MAG: variants seen among roughly 807,000 people sequenced by gnomAD.
MAG encodes myelin-associated glycoprotein.
In MAG, 30 loss-of-function variants were observed where a neutral mutation model predicts 60.7. The observed-to-expected ratio is 0.49, with a 90% CI of 0.37 to 0.67. The LOEUF (loss-of-function observed/expected upper bound fraction) is 0.67. Among genes scored for constraint, MAG ranks in the 30% least tolerant of loss-of-function variants. MAG has a pLI of 0.00. For synonymous variants in MAG, 384 were observed against 376.8 expected, an observed-to-expected ratio of 1.02 and a Z score of -0.22; for missense variants, 795 against 851.7, an observed-to-expected ratio of 0.93 and a Z score of 0.83.
chr19:35,297,137 A>G (rs1362256958), intron 4 of MAG, among the ~76,000 whole-genome samples: 2 of 149,468 alleles, frequency 1.3e-5, no homozygotes, highest in Non-Finnish European at 3.0e-5. Context: ...CACCACACAC[A>G]CACCACACCA....
At chr19:35,303,365 C>T (rs924528756) in intron 7 of MAG, among the ~76,000 whole-genome samples, 3 of 152,158 alleles carry the variant, frequency 2.0e-5, no homozygotes, top group African/African-American at 7.2e-5. Flanking sequence ...TACAGCAACC[C>T]ACTCATTTAA....
In MAG at chr19:35,309,907, C is replaced by T. The variant is rs1456256662; in HGVS notation, c.1265C>T (p.Ala422Val). 3.7e-6 allele frequency: 6 copies of T among 1,613,052 alleles called. No homozygotes were observed. Among genetic ancestry groups the T allele is most frequent in the Admixed American group, 3.3e-5 (2 of 60,008 alleles). Residue 422 changes from alanine to valine, a missense_variant, in exon 8 of 11, where the codon GCG becomes GTG. Coordinates refer to ENST00000392213, the MANE Select transcript of MAG (RefSeq NM_002361.4). ...GTGCTCCTCCTGGAGTCCCACTGCG[C>T]GGCAGCCCGAGACACGGTGCAGTGC... ...APVLLLESHC[A>V]AARDTVQCLC...
Position 35,313,644 on chromosome 19 carries a change from G to C in MAG, c.*190G>C, listed in dbSNP as rs200787485. 42 of 581,846 alleles carry C rather than the reference G, an allele frequency of 7.2e-5. No homozygotes were observed. The highest frequency in any genetic ancestry group is 2.1e-4 in the South Asian group (10 of 47,988). 36.0% of individuals were successfully genotyped at this position (581,846 alleles called of 1,614,324 possible). On this transcript the variant is annotated 3_prime_UTR_variant, in exon 11 of 11. Transcript: ENST00000392213. ...TGCCCCTCCCTGCCAGCACCCCCAC[G>C]CCCTCATTACGGCTCCTCTCTAACC...
At position 35,310,128 on chromosome 19, in the gene MAG, G is replaced by A. The variant is rs200816972; in HGVS notation, c.1486G>A (p.Ala496Thr). The change falls in exon 8 of 11, where the codon GCC becomes ACC. Residue 496 changes from alanine (A) to threonine (T), a missense_variant. Coordinates refer to ENST00000392213, the MANE Select transcript of MAG (RefSeq NM_002361.4). ...VICTARNLYG[A>T]KSLELPFQGA... is the part of the protein sequence containing the mutation. ...CTGCACCGCGAGGAACCTCTATGGC[G>A]CCAAGAGCCTGGAGCTGCCCTTCCA... 25 of 1,609,806 alleles carry A rather than the reference G, an allele frequency of 1.6e-5. No homozygotes were observed. The highest frequency in any genetic ancestry group is 1.2e-4 in the Admixed American group (7 of 59,892).
At position 35,310,577 on chromosome 19, in the gene MAG, T is replaced by C; in HGVS notation, c.1550T>C (p.Val517Ala). 4 of 1,614,166 alleles carry C rather than the reference T, an allele frequency of 2.5e-6. No homozygotes were observed. Among genetic ancestry groups the C allele is most frequent in the Non-Finnish European group, 3.4e-6 (4 of 1,180,032 alleles). Residue 517 changes from valine (V) to alanine (A), a missense_variant, in exon 9 of 11, where the codon GTG (valine) becomes GCG (alanine). By Grantham distance (64) the Val-to-Ala change is moderately conservative. Transcript: ENST00000392213. ...CTGATGTGGGCCAAGATCGGGCCTGTGGGCGCCGTGGTCGCCTTTGCCATC... is the reference window on the plus strand; with the variant it reads ...CTGATGTGGGCCAAGATCGGGCCTGCGGGCGCCGTGGTCGCCTTTGCCATC... ...HRLMWAKIGP[V>A]GAVVAFAILI...
chr19:35,292,788 G>A (rs573765151), intron 1 of MAG, among the ~76,000 whole-genome samples: 17 of 151,438 alleles, frequency 1.1e-4, no homozygotes, highest in Admixed American at 7.2e-4. Context: ...TTTAAGAGAC[G>A]GGACTCTCAC....
chr19:35,306,565 G>T (rs896013357), intron 7 of MAG, among the ~76,000 whole-genome samples: 7 of 152,060 alleles, frequency 4.6e-5, no homozygotes, highest in Admixed American at 4.6e-4. Context: ...AGCCTCCTGA[G>T]TAGCTGGGAC....
Position 35,299,864 on chromosome 19 carries a change from C to T in MAG, c.712+14C>T. 1 of 297,502 alleles carries T rather than the reference C, an allele frequency of 3.4e-6. No homozygotes were observed. Among genetic ancestry groups the T allele is most frequent in the Non-Finnish European group, 4.2e-6 (1 of 239,848 alleles). The allele number at this position is 297,502 out of a possible 1,614,324, so 18.4% of individuals were successfully genotyped here. ...TGGACGTCAAGTGTGAGCCTGGGTGCGGGCGGGGCGGGGTGGGGCGGGGTG... is the reference window on the plus strand; with the variant it reads ...TGGACGTCAAGTGTGAGCCTGGGTGTGGGCGGGGCGGGGTGGGGCGGGGTG... On this transcript the variant is annotated intron_variant, in intron 5 of 10. Coordinates refer to ENST00000392213, the MANE Select transcript of MAG (RefSeq NM_002361.4).
Position 35,302,668 on chromosome 19 carries a change from G to A in MAG, c.1191G>A (p.Gln397=), listed in dbSNP as rs1435547440. ...AGTACTGGTGTGTGGCTGAGAACCA[G>A]TATGGCCAGAGGGCCACCGCCTTCA... ...DGEYWCVAEN[Q]YGQRATAFNL... Residue 397 remains glutamine (Q), a synonymous_variant, in exon 7 of 11, where the codon CAG becomes CAA. Transcript: ENST00000392213. 3 of 1,614,002 alleles carry A rather than the reference G, an allele frequency of 1.9e-6. No homozygotes were observed. The highest frequency in any genetic ancestry group is 3.3e-5 in the Admixed American group (2 of 60,010).
intron 4 of MAG, among the ~76,000 whole-genome samples, chr19:35,297,472 C>CCA (rs201113486): frequency 6.9e-6 from 1 of 145,800 alleles, no homozygotes; most frequent in South Asian, 2.3e-4. Flanking sequence ...ACTGCACATG[C>CCA]CACACACACA....
At position 35,295,809 on chromosome 19, in the gene MAG, C is replaced by A; in HGVS notation, c.243C>A (p.Val81=). Residue 81 remains valine (V), a synonymous_variant, in exon 4 of 11, where the codon GTC becomes GTA. Coordinates refer to ENST00000392213, the MANE Select transcript of MAG (RefSeq NM_002361.4). This position sits in a 1 kb window ranked among gnomAD's most constrained non-coding sequence, Gnocchi z 5.8. ...TCTTCAAGTCGCGCACCCAAGTAGT[C>A]CACGAGAGCTTCCAGGGCCGCAGCC... The part of the protein sequence containing the change: ...PVVFKSRTQV[V]HESFQGRSRL... The A allele has an allele frequency of 6.2e-7, 1 of 1,613,984 alleles. No homozygotes were observed. Among genetic ancestry groups the A allele is most frequent in the Non-Finnish European group, 8.5e-7 (1 of 1,180,028 alleles).
chr19:35,312,459 C>T lies in MAG; in HGVS notation c.1716+442C>T, dbSNP rs183940731. 1,276 of 788,042 alleles carry T rather than the reference C, an allele frequency of 1.6e-3. 6 individuals carry two copies. The highest frequency in any genetic ancestry group is 1.5e-3 in the Non-Finnish European group (702 of 465,168). The allele number at this position is 788,042 out of a possible 1,614,324, so 48.8% of individuals were successfully genotyped here. ...GTCCGGGCCTGCCCGGCAGTGCTGG[C>T]CTTGTCTAGTCTGTCCTGTTGCAGC... On this transcript the variant is annotated intron_variant, in intron 10 of 10. Coordinates refer to ENST00000392213, the MANE Select transcript of MAG (RefSeq NM_002361.4).
intron 6 of MAG, among the ~76,000 whole-genome samples, chr19:35,300,798 T>G (rs2066443246): frequency 6.6e-6 from 1 of 152,194 alleles, no homozygotes; most frequent in Admixed American, 6.5e-5. Flanking sequence ...GGCACCATGA[T>G]AGCACCACTT....
intron 10 of MAG, 23 bp from the exon 11 acceptor site, chr19:35,313,267 T>TA: frequency 6.2e-7 from 1 of 1,607,954 alleles, no homozygotes; most frequent in Non-Finnish European, 8.5e-7. Flanking sequence ...AGGACCCTGC[T>TA]AATGGGCGGT....
chr19:35,309,775 A>G (rs2066511763), intron 7 of MAG, 99 bp from the exon 8 acceptor site: 3 of 1,337,508 alleles, frequency 2.2e-6, no homozygotes, highest in South Asian at 2.6e-5. Flanking sequence ...TACCGCCCCC[A>G]TCCTTGGCCA....
In MAG at chr19:35,295,406, A is replaced by T; in HGVS notation, c.-3A>T. The T allele has an allele frequency of 6.2e-7, 1 of 1,613,968 alleles. No individual in the cohort carries two copies. Among genetic ancestry groups the T allele is most frequent in the Non-Finnish European group, 8.5e-7 (1 of 1,180,006 alleles). On this transcript the variant is annotated 5_prime_UTR_variant, in exon 3 of 11. Coordinates refer to ENST00000392213, the MANE Select transcript of MAG (RefSeq NM_002361.4). The surrounding 1 kb of genome is among the most constrained non-coding windows in gnomAD (Gnocchi z 5.8). The stretch of plus-strand genomic sequence containing the variant: ...TCCAGCGATCACTCACTCGCTGTAC[A>T]GAATGATATTCCTCACGGCACTGCC...
intron 7 of MAG, among the ~76,000 whole-genome samples, chr19:35,308,274 T>C (rs1438979394): frequency 6.6e-6 from 1 of 152,116 alleles, no homozygotes; most frequent in Non-Finnish European, 1.5e-5. Context: ...CTGATGGAAG[T>C]GTTCCAAGTT....
In MAG at chr19:35,300,271, C is replaced by T. The variant is rs1302223266; in HGVS notation, c.837C>T (p.Val279=). The change falls in exon 6 of 11, where the codon GTC becomes GTT. Residue 279 remains valine, a synonymous_variant. Transcript: ENST00000392213. ...TGACCTGGATGCGGGACGGGACAGTCCTCCGGGAGGCGGTGGCCGAGAGCC... is the reference window on the plus strand; with the variant it reads ...TGACCTGGATGCGGGACGGGACAGTTCTCCGGGAGGCGGTGGCCGAGAGCC... The part of the protein sequence containing the change: ...PLLTWMRDGT[V]LREAVAESLL... 4 of 1,598,834 alleles carry T rather than the reference C, an allele frequency of 2.5e-6. No individual in the cohort carries two copies. The African/African-American group carries it at 4.0e-5, about 16-fold the overall frequency.
rs1251513325 is a variant in MAG at position 35,302,635 on chromosome 19, T to C, written c.1158T>C (p.Asp386=). 8.7e-6 allele frequency: 14 copies of C among 1,614,118 alleles called. No homozygotes were observed. The highest frequency in any genetic ancestry group is 1.0e-5 in the Non-Finnish European group (12 of 1,180,034). ...AGCTGCCGGCCGTGTCACCCGAGGA[T>C]GATGGAGAGTACTGGTGTGTGGCTG... ...QLELPAVSPE[D]DGEYWCVAEN... Residue 386 remains aspartate (D), a synonymous_variant, in exon 7 of 11, where the codon GAT becomes GAC. Transcript: ENST00000392213.
Sources: allele counts gnomAD v4.1 joint callset (sites outside exome capture counted in the v4.1 genomes callset), GRCh38; gene constraint gnomAD v4.1.1; non-coding constraint Gnocchi (gnomAD v3.1); transcripts MANE v1.5; gene names NCBI Gene and HGNC (gene_info 2026-07-23, HGNC 2026-07-21).